The following LRGUK variants were observed in gnomAD, a reference collection of about 807,000 sequenced individuals.
The protein encoded by LRGUK is leucine-rich repeat and guanylate kinase domain-containing protein.
In LRGUK, 65 loss-of-function variants were observed where a neutral mutation model predicts 76.0. The observed-to-expected ratio is 0.85, with a 90% CI of 0.70 to 1.05. The LOEUF is 1.05. Among genes scored for constraint, LRGUK ranks in the 50% least tolerant of loss-of-function variants. The pLI is 0.00. For synonymous variants in LRGUK, 268 were observed against 265.6 expected (o/e 1.01, Z -0.09); for missense variants, 758 against 732.8 (o/e 1.03, Z -0.40).
chr7:134,134,712 T>C (rs534561936), intron 1 of LRGUK, among the ~76,000 whole-genome samples: 53 of 152,272 alleles, frequency 3.5e-4, no homozygotes, highest in Middle Eastern at 3.4e-3. Context: ...GGAGGGAAGG[T>C]AACATTCCTT....
chr7:134,209,380 C>A (rs1468470055), exon 16 of LRGUK: 4 of 399,112 alleles, frequency 1.0e-5, no homozygotes, highest in Non-Finnish European at 1.8e-5. Context: ...AACTTGCTGG[C>A]GATTCTCAGC....
intron 1 of LRGUK, 98 bp from the exon 2 acceptor site, chr7:134,136,925 G>T: frequency 9.7e-7 from 1 of 1,027,716 alleles, no homozygotes; most frequent in Non-Finnish European, 1.5e-6. Flanking sequence ...CAGCTCCTGG[G>T]TATAAAATAT....
chr7:134,164,171 A>G (rs1382350805), intron 7 of LRGUK, among the ~76,000 whole-genome samples: 3 of 152,228 alleles, frequency 2.0e-5, no homozygotes, highest in African/African-American at 7.2e-5. Flanking sequence ...CCATCCTACA[A>G]TGTAACATGA....
At chr7:134,196,150 G>A (rs1302565337) in intron 12 of LRGUK, among the ~76,000 whole-genome samples, 1 of 152,208 alleles carries the variant, frequency 6.6e-6, no homozygotes, top group Non-Finnish European at 1.5e-5. Flanking sequence ...ACATATATGA[G>A]AAGTCACTCT....
intron 7 of LRGUK, among the ~76,000 whole-genome samples, chr7:134,164,014 G>A (rs1043188309): frequency 2.1e-4 from 32 of 152,134 alleles, no homozygotes; most frequent in Non-Finnish European, 4.6e-4. Flanking sequence ...TAAGGAGTTT[G>A]TTTCAGAGAT....
At chr7:134,172,321 T>A (rs1359059959) in intron 7 of LRGUK, among the ~76,000 whole-genome samples, 3 of 152,154 alleles carry the variant, frequency 2.0e-5, no homozygotes, top group Admixed American at 6.5e-5. Context: ...TTACAAAAAA[T>A]TAGAATATAG....
In LRGUK at chr7:134,196,523, A is replaced by C. The variant is rs149039183; in HGVS notation, c.1432-469A>C. Among the ~76,000 whole-genome samples the C allele has an allele frequency of 6.9e-4, 105 of 152,320 alleles. 3 individuals carry two copies. In the East Asian group the frequency reaches 0.019, roughly 28 times the overall value. On this transcript the variant is annotated intron_variant, in intron 12 of 15. Coordinates refer to ENST00000645682, the Ensembl canonical transcript of LRGUK. ...ATGTCCCTGTAATTCATGGCCTCCC[A>C]GAATTATCTGTAATTCATGGCTTAT...
chr7:134,129,432 C>CCCT (rs2116784356), intron 1 of LRGUK, among the ~76,000 whole-genome samples: 1 of 44,370 alleles, frequency 2.3e-5, no homozygotes, highest in Non-Finnish European at 4.6e-5. Flanking sequence ...CCTCCCTCCC[C>CCCT]TCCCCTCCCT....
the LRGUK span, among the ~76,000 whole-genome samples, chr7:134,270,184 C>T: frequency 6.6e-6 from 1 of 152,000 alleles, no homozygotes; most frequent in African/African-American, 2.4e-5. Flanking sequence ...TAGAAAATTC[C>T]AAGAAATCTA....
intron 10 of LRGUK, 35 bp downstream of exon 10, chr7:134,178,644 G>T: frequency 6.4e-7 from 1 of 1,555,482 alleles, no homozygotes. Flanking sequence ...GGAATTCAGG[G>T]TGAGCAAGCA....
intron 18 of LRGUK, among the ~76,000 whole-genome samples, chr7:134,250,528 TGA>T (rs1802417164): frequency 6.6e-6 from 1 of 152,210 alleles, no homozygotes; most frequent in Non-Finnish European, 1.5e-5. Context: ...TATATCATAA[TGA>T]GAATGAAAAC....
rs190319293 is a variant in LRGUK at position 134,260,042 on chromosome 7, C to T, written c.2347+1637C>T. 4.6e-5 allele frequency among the ~76,000 whole-genome samples: 7 copies of T among 152,250 alleles called. No individual in the cohort carries two copies. The East Asian group carries it at 1.4e-3, about 29-fold the overall frequency. ...TCAGTGGTGTGGTACAGTAGAAAGA[C>T]ATTAGATTAGGAATCAGAAGACCTG... On this transcript the variant is annotated intron_variant, in intron 19 of 19. Coordinates refer to the LRGUK transcript ENST00000285928.
intron 4 of LRGUK, among the ~76,000 whole-genome samples, chr7:134,147,868 TG>T (rs1193353252): frequency 1.3e-5 from 2 of 152,038 alleles, no homozygotes; most frequent in African/African-American, 4.8e-5. Flanking sequence ...GAGACCATCC[TG>T]GCTAACACAG....
chr7:134,143,267 A>G (rs1223291872), intron 4 of LRGUK, 105 bp downstream of exon 4: 1 of 715,998 alleles, frequency 1.4e-6, no homozygotes, highest in African/African-American at 1.8e-5. Context: ...TAAGATACAG[A>G]GGTAAGCAAT....
chr7:134,215,431 T>G (rs1335629066), intron 15 of LRGUK, among the ~76,000 whole-genome samples: 1 of 152,158 alleles, frequency 6.6e-6, no homozygotes, highest in Non-Finnish European at 1.5e-5. Flanking sequence ...GTTACCAGAC[T>G]TCCCCCCAGC....
intron 10 of LRGUK, among the ~76,000 whole-genome samples, chr7:134,182,295 A>C (rs1799789777): frequency 6.6e-6 from 1 of 152,216 alleles, no homozygotes; most frequent in African/African-American, 2.4e-5. Flanking sequence ...GGTGATTGCA[A>C]ATAGAGCTGT....
At chr7:134,197,943 A>G (rs541666374) in intron 13 of LRGUK, among the ~76,000 whole-genome samples, 1 of 152,368 alleles carries the variant, frequency 6.6e-6, no homozygotes, top group South Asian at 2.1e-4. Flanking sequence ...AACTAATTCA[A>G]TTAGATCAAA....
intron 16 of LRGUK, among the ~76,000 whole-genome samples, chr7:134,233,191 T>A (rs1364491323): frequency 6.6e-6 from 1 of 152,248 alleles, no homozygotes; most frequent in Admixed American, 6.5e-5. Flanking sequence ...AGTAACCCAA[T>A]GCTCTTTGCA....
intron 16 of LRGUK, among the ~76,000 whole-genome samples, chr7:134,225,218 A>G (rs1182064265): frequency 6.6e-6 from 1 of 151,908 alleles, no homozygotes; most frequent in Non-Finnish European, 1.5e-5. Context: ...GTATGGGGAA[A>G]CTGGAGAGAG....
Sources: gnomAD v4.1 joint callset for allele counts (sites outside exome capture counted in the v4.1 genomes callset) on GRCh38, gnomAD v4.1.1 for gene constraint, MANE v1.5 for transcripts, NCBI Gene and HGNC (gene_info 2026-07-23, HGNC 2026-07-21) for gene names.